Variants in ASTN2 observed in about 807,000 individuals in gnomAD.
The protein encoded by ASTN2 is astrotactin-2.
Under a neutral mutation model 139.8 loss-of-function variants are expected in ASTN2, and 54 were observed. The ratio of observed to expected loss-of-function variants is 0.39; its 90% CI spans 0.31 to 0.48. ASTN2 has a LOEUF of 0.48. Ranked by LOEUF, ASTN2 falls within the 20% of genes least tolerant of loss-of-function variation. The pLI is 0.95. For synonymous variants in ASTN2, 756 were observed against 719.5 expected, an observed-to-expected ratio of 1.05 and a Z score of -0.81; for missense variants, 1,565 against 1,725.1, an observed-to-expected ratio of 0.91 and a Z score of 1.64.
intron 4 of ASTN2, among the ~76,000 whole-genome samples, chr9:117,136,789 C>A (rs1829962465): frequency 6.6e-6 from 1 of 152,182 alleles, no homozygotes; most frequent in Non-Finnish European, 1.5e-5. Context: ...ATTGTACTAG[C>A]TATTCCTTAT....
chr9:116,670,381 G>A (rs1170754348), intron 16 of ASTN2, among the ~76,000 whole-genome samples: 1 of 152,040 alleles, frequency 6.6e-6, no homozygotes, highest in East Asian at 1.9e-4. Flanking sequence ...GGTCAAGTAT[G>A]ACTGAGTGGC....
chr9:116,643,527 T>C (rs1160764101), intron 17 of ASTN2, among the ~76,000 whole-genome samples: 1 of 152,188 alleles, frequency 6.6e-6, no homozygotes, highest in African/African-American at 2.4e-5. Flanking sequence ...TTTTCCAACT[T>C]TGGTCTAGAC....
intron 6 of ASTN2, among the ~76,000 whole-genome samples, chr9:117,011,774 A>G (rs892021662): frequency 1.3e-5 from 2 of 152,220 alleles, no homozygotes; most frequent in African/African-American, 4.8e-5. Flanking sequence ...AGAAATTGAC[A>G]TGGTCAAATT....
chr9:116,513,183 T>G (rs901856664), intron 19 of ASTN2, among the ~76,000 whole-genome samples: 1 of 152,228 alleles, frequency 6.6e-6, no homozygotes, highest in African/African-American at 2.4e-5. Flanking sequence ...GGAGCTCTTG[T>G]AGGGCAGGCC....
chr9:116,518,748 C>T (rs1057098801), intron 19 of ASTN2, among the ~76,000 whole-genome samples: 1 of 152,110 alleles, frequency 6.6e-6, no homozygotes, highest in Admixed American at 6.5e-5. Flanking sequence ...AATTCACCAA[C>T]TGAGTTTCTG....
chr9:116,458,173 C>T (rs1430215618), intron 20 of ASTN2, among the ~76,000 whole-genome samples: 4 of 151,316 alleles, frequency 2.6e-5, no homozygotes, highest in East Asian at 1.9e-4. Context: ...TTGAACTAAT[C>T]GAGCTAGAGG....
At chr9:116,445,880 G>T (rs1269636512) in intron 20 of ASTN2, among the ~76,000 whole-genome samples, 21 of 152,176 alleles carry the variant, frequency 1.4e-4, no homozygotes, top group Admixed American at 1.4e-3. Context: ...GCCTCGGGAT[G>T]GAGGAGGCCT....
intron 12 of ASTN2, among the ~76,000 whole-genome samples, chr9:116,807,154 G>T (rs1235488415): frequency 6.6e-6 from 1 of 152,106 alleles, no homozygotes; most frequent in Non-Finnish European, 1.5e-5. Flanking sequence ...TCTCTTATTT[G>T]CCTTTTTTCA....
intron 2 of ASTN2, among the ~76,000 whole-genome samples, chr9:117,268,748 A>G (rs1276397171): frequency 2.0e-5 from 3 of 152,022 alleles, no homozygotes; most frequent in Non-Finnish European, 4.4e-5. Context: ...TTGAAATCTA[A>G]CTCTGCCAGT....
At chr9:117,184,193 T>G (rs1831142426) in intron 3 of ASTN2, among the ~76,000 whole-genome samples, 1 of 152,138 alleles carries the variant, frequency 6.6e-6, no homozygotes, top group Non-Finnish European at 1.5e-5. Flanking sequence ...CCAGGCTCTC[T>G]CATTTCTACC....
At chr9:117,001,605 T>G (rs1415351353) in intron 7 of ASTN2, among the ~76,000 whole-genome samples, 1 of 152,172 alleles carries the variant, frequency 6.6e-6, no homozygotes, top group East Asian at 1.9e-4. Flanking sequence ...CTCTGAGTCC[T>G]AGAATCATTA....
At chr9:117,133,192 C>A (rs1043401279) in intron 4 of ASTN2, among the ~76,000 whole-genome samples, 23 of 152,202 alleles carry the variant, frequency 1.5e-4, no homozygotes, top group African/African-American at 4.8e-4. Flanking sequence ...AGCCCATCAC[C>A]TTTGCTTTCC....
At chr9:116,533,595 CT>C (rs771112556) in intron 19 of ASTN2, among the ~76,000 whole-genome samples, 36 of 152,138 alleles carry the variant, frequency 2.4e-4, no homozygotes, top group Admixed American at 1.4e-3. Flanking sequence ...TGTCAAATGG[CT>C]TTTCTGCATC....
At position 116,697,785 on chromosome 9, in the gene ASTN2, C is replaced by T. The variant is rs1202455552; in HGVS notation, c.2806+27986G>A. 6.8e-6 allele frequency: 11 copies of T among 1,614,108 alleles called. No homozygotes were observed. The highest frequency in any genetic ancestry group is 3.3e-5 in the South Asian group (3 of 91,082). On this transcript the variant is annotated intron_variant, in intron 16 of 22. Transcript: ENST00000313400. Reference sequence around the variant, plus strand: ...TTCTCACCTGAACCTGGATGCCCTCCGGGAAGTGCTAGAATGCCCCATCTG... The same window carrying T: ...TTCTCACCTGAACCTGGATGCCCTCTGGGAAGTGCTAGAATGCCCCATCTG...
At chr9:116,631,349 A>T (rs978500032) in intron 17 of ASTN2, among the ~76,000 whole-genome samples, 1 of 152,240 alleles carries the variant, frequency 6.6e-6, no homozygotes, top group Non-Finnish European at 1.5e-5. Context: ...GATAAAGAAA[A>T]TGTGATGTAT....
chr9:116,496,034 T>G (rs1378350642), intron 19 of ASTN2, among the ~76,000 whole-genome samples: 1 of 152,076 alleles, frequency 6.6e-6, no homozygotes, highest in Non-Finnish European at 1.5e-5. Flanking sequence ...GCTTACTCCC[T>G]CTCCTTTCCC....
intron 2 of ASTN2, among the ~76,000 whole-genome samples, chr9:117,283,127 G>T (rs1834365932): frequency 6.6e-6 from 1 of 152,122 alleles, no homozygotes; most frequent in Admixed American, 6.5e-5. Context: ...TCTATAGCCG[G>T]TATGTGGAAG....
intron 1 of ASTN2, among the ~76,000 whole-genome samples, chr9:117,369,568 G>A (rs1052066011): frequency 1.3e-5 from 2 of 151,962 alleles, no homozygotes; most frequent in Non-Finnish European, 2.9e-5. Context: ...CATATTATAT[G>A]ATCTTAAAGT....
chr9:117,037,455 A>G (rs1023966482), intron 6 of ASTN2, among the ~76,000 whole-genome samples: 3 of 152,176 alleles, frequency 2.0e-5, no homozygotes, highest in Admixed American at 6.5e-5. Flanking sequence ...AGGTACTACT[A>G]TTATCCACAT....
Sources: gnomAD v4.1 joint callset for allele counts (sites outside exome capture counted in the v4.1 genomes callset) on GRCh38, gnomAD v4.1.1 for gene constraint, MANE v1.5 for transcripts, NCBI Gene and HGNC (gene_info 2026-07-23, HGNC 2026-07-21) for gene names.